LRFN5: variants seen among roughly 807,000 people sequenced by gnomAD.
The protein encoded by LRFN5 is leucine rich repeat and fibronectin type III domain containing 5.
A neutral mutation model predicts 45.6 loss-of-function variants in LRFN5; 24 were observed. The observed-to-expected ratio is 0.53, with a 90% confidence interval of 0.38 to 0.74. The LOEUF is 0.74. Ranked by LOEUF, LRFN5 falls within the 30% of genes least tolerant of loss-of-function variation. LRFN5 has a pLI of 0.00. For missense variants in LRFN5, 776 were observed against 861.5 expected (o/e 0.90, Z 1.24); for synonymous variants, 340 against 313.8 (o/e 1.08, Z -0.88).
intron 2 of LRFN5, among the ~76,000 whole-genome samples, chr14:41,808,241 A>G (rs1406361188): frequency 7.2e-6 from 1 of 138,900 alleles, no homozygotes; most frequent in East Asian, 2.3e-4. Context: ...GAAGGAATTG[A>G]GGGAGGGAGG....
intron 2 of LRFN5, among the ~76,000 whole-genome samples, chr14:41,831,607 T>C (rs1888484673): frequency 6.6e-6 from 1 of 152,180 alleles, no homozygotes; most frequent in Non-Finnish European, 1.5e-5. Context: ...GACTGTTACC[T>C]TATGAGTATT....
chr14:41,638,601 G>A (rs538936956), intron 1 of LRFN5, among the ~76,000 whole-genome samples: 1 of 152,074 alleles, frequency 6.6e-6, no homozygotes, highest in Non-Finnish European at 1.5e-5. Context: ...AACTCTCCTA[G>A]TATTGTATAT....
At chr14:41,672,983 A>C (rs1368616225) in intron 1 of LRFN5, among the ~76,000 whole-genome samples, 1 of 98,430 alleles carries the variant, frequency 1.0e-5, no homozygotes, top group Non-Finnish European at 2.3e-5. Flanking sequence ...ATGCTTATGA[A>C]AGATCTACAC....
intron 2 of LRFN5, among the ~76,000 whole-genome samples, chr14:41,785,821 C>T (rs1466045964): frequency 6.6e-6 from 1 of 152,158 alleles, no homozygotes; most frequent in African/African-American, 2.4e-5. Flanking sequence ...CTACATCCCT[C>T]ATATACACAG....
At chr14:41,766,140 T>A (rs1885875650) in intron 1 of LRFN5, among the ~76,000 whole-genome samples, 1 of 152,164 alleles carries the variant, frequency 6.6e-6, no homozygotes, top group South Asian at 2.1e-4. Flanking sequence ...GTTTTAAAAA[T>A]TCAGCCTATT....
chr14:41,869,424 G>A (rs1182648679), intron 2 of LRFN5, among the ~76,000 whole-genome samples: 1 of 151,016 alleles, frequency 6.6e-6, no homozygotes, highest in Non-Finnish European at 1.5e-5. Flanking sequence ...TTAACTTTAT[G>A]CAGCTTTTTT....
chr14:41,673,211 G>A lies in LRFN5; in HGVS notation c.-197+64649G>A, dbSNP rs371618028. On this transcript the variant is annotated intron_variant, in intron 1 of 5. Transcript: ENST00000298119. ...AAAACCGCCATTGTCATCATGGCCC[G>A]TTCTCAATGAGCTGTTGGGTACACC... Among the ~76,000 whole-genome samples, 43 of 152,110 alleles carry A rather than the reference G, an allele frequency of 2.8e-4. No homozygotes were observed. The East Asian group carries it at 6.2e-3, about 22-fold the overall frequency.
intron 2 of LRFN5, among the ~76,000 whole-genome samples, chr14:41,840,196 G>A (rs1234536596): frequency 6.6e-6 from 1 of 151,982 alleles, no homozygotes; most frequent in African/African-American, 2.4e-5. Context: ...CTGGTACGCT[G>A]ATTATATGAC....
intron 2 of LRFN5, among the ~76,000 whole-genome samples, chr14:41,866,686 T>C (rs1390792918): frequency 6.6e-6 from 1 of 152,180 alleles, no homozygotes; most frequent in Non-Finnish European, 1.5e-5. Context: ...TTTTTATCTT[T>C]ATATCACTTA....
chr14:41,636,178 G>A (rs189456543), intron 1 of LRFN5, among the ~76,000 whole-genome samples: 39 of 152,260 alleles, frequency 2.6e-4, no homozygotes, highest in Non-Finnish European at 2.6e-4. Context: ...ATGAGTAAGA[G>A]AAATATTTGA....
chr14:41,639,653 G>C (rs1424150418), intron 1 of LRFN5, among the ~76,000 whole-genome samples: 1 of 152,040 alleles, frequency 6.6e-6, no homozygotes, highest in African/African-American at 2.4e-5. Context: ...AACAGATACA[G>C]GATAACAATG....
chr14:41,721,570 A>G (rs184143305), intron 1 of LRFN5, among the ~76,000 whole-genome samples: 10 of 152,258 alleles, frequency 6.6e-5, no homozygotes, highest in Admixed American at 1.3e-4. Context: ...TATAGTGATA[A>G]TGAATTTCCT....
intron 1 of LRFN5, among the ~76,000 whole-genome samples, chr14:41,713,766 A>T (rs1389602215): frequency 6.6e-6 from 1 of 152,142 alleles, no homozygotes; most frequent in Non-Finnish European, 1.5e-5. Context: ...TTGCCTGCTG[A>T]TGAGAGGTAA....
At chr14:41,632,950 T>G (rs781190225) in intron 1 of LRFN5, among the ~76,000 whole-genome samples, 1 of 152,152 alleles carries the variant, frequency 6.6e-6, no homozygotes, top group Non-Finnish European at 1.5e-5. Context: ...ATTTATATGA[T>G]TTTTCTGTGC....
chr14:41,716,167 CT>C (rs1224510772), intron 1 of LRFN5, among the ~76,000 whole-genome samples: 1 of 152,164 alleles, frequency 6.6e-6, no homozygotes, highest in African/African-American at 2.4e-5. Context: ...CCCAAGACCA[CT>C]TTTTCCTCCT....
chr14:41,897,919 G>T (rs2139175055), intron 4 of LRFN5, among the ~76,000 whole-genome samples: 1 of 152,144 alleles, frequency 6.6e-6, no homozygotes, highest in South Asian at 2.1e-4. Flanking sequence ...TTATGTTTCT[G>T]CTCTAGAATA....
chr14:41,762,622 A>G (rs902721066), intron 1 of LRFN5, among the ~76,000 whole-genome samples: 3 of 151,988 alleles, frequency 2.0e-5, no homozygotes, highest in African/African-American at 7.2e-5. Context: ...GTAATTTTCA[A>G]TTTTTTGCTT....
chr14:41,844,452 ATGTATATTT>A (rs1888989867), intron 2 of LRFN5, among the ~76,000 whole-genome samples: 3 of 149,428 alleles, frequency 2.0e-5, no homozygotes, highest in Admixed American at 1.3e-4. Flanking sequence ...AAAAAAAAAT[ATGTATATTT>A]ATATGTATAA....
chr14:41,887,061 G>A lies in LRFN5; in HGVS notation c.436G>A (p.Val146Ile), dbSNP rs760607483. ...TLISSTAFDD[V>I]FALEELDLSY... ...AATTTCCTCTACAGCGTTTGATGAT[G>A]TCTTCGCCCTTGAGGAGCTGGATCT... Residue 146 changes from valine to isoleucine, a missense_variant, in exon 3 of 6, where the codon GTC becomes ATC. Val to Ile is a conservative substitution (Grantham distance 29). Coordinates refer to ENST00000298119, the MANE Select transcript of LRFN5 (RefSeq NM_152447.5). This position sits in a 1 kb window ranked among gnomAD's most constrained non-coding sequence, Gnocchi z 4.8. 2.5e-6 allele frequency: 4 copies of A among 1,613,954 alleles called. No individual in the cohort carries two copies. Among genetic ancestry groups the A allele is most frequent in the Non-Finnish European group, 3.4e-6 (4 of 1,180,038 alleles).
Sources: allele counts gnomAD v4.1 joint callset (sites outside exome capture counted in the v4.1 genomes callset), GRCh38; gene constraint gnomAD v4.1.1; non-coding constraint Gnocchi (gnomAD v3.1); transcripts MANE v1.5; gene names NCBI Gene and HGNC (gene_info 2026-07-23, HGNC 2026-07-21).